The following CA12 variants were observed in gnomAD, a reference collection of about 807,000 sequenced individuals.
The protein encoded by CA12 is carbonate dehydratase XII.
CA12 carries 36 observed loss-of-function variants against 46.8 expected under a neutral mutation model. The observed-to-expected ratio is 0.77, with a 90% CI of 0.59 to 1.02. The LOEUF (loss-of-function observed/expected upper bound fraction) is 1.02, where lower values mean the gene tolerates loss of function less well. Ranked by LOEUF, CA12 falls within the 50% of genes least tolerant of loss-of-function variation. The pLI is 0.00. For synonymous variants in CA12, 202 were observed against 187.0 expected, an observed-to-expected ratio of 1.08 and a Z score of -0.65; for missense variants, 436 against 451.4, an observed-to-expected ratio of 0.97 and a Z score of 0.31.
intron 2 of CA12, among the ~76,000 whole-genome samples, chr15:63,359,880 C>T (rs1432390162): frequency 6.6e-6 from 1 of 152,212 alleles, no homozygotes; most frequent in Non-Finnish European, 1.5e-5. Flanking sequence ...GCTCTCCACT[C>T]TCCACAACAG....
Position 63,328,149 on chromosome 15 carries a change from A to G in CA12, c.875-19T>C. Reference sequence around the variant, plus strand: ...ACTTGCACTTAAAAGGGGAGAGGAAAAGACGAGGTTACTCTAGAGTCAAAC... The same window carrying G: ...ACTTGCACTTAAAAGGGGAGAGGAAGAGACGAGGTTACTCTAGAGTCAAAC... On this transcript the variant is annotated intron_variant, in intron 8 of 10. Transcript: ENST00000178638. This position sits in a 1 kb window ranked among gnomAD's most constrained non-coding sequence, Gnocchi z 5.9. 1 of 1,612,918 alleles carries G rather than the reference A, an allele frequency of 6.2e-7. No homozygotes were observed. The highest frequency in any genetic ancestry group is 8.5e-7 in the Non-Finnish European group (1 of 1,178,966).
Position 63,322,874 on chromosome 15 carries a change from G to A in CA12, c.*3411C>T, listed in dbSNP as rs1254841757. On this transcript the variant is annotated 3_prime_UTR_variant, in exon 11 of 11. Transcript: ENST00000178638. This position sits in a 1 kb window ranked among gnomAD's most constrained non-coding sequence, Gnocchi z 4.1. The stretch of plus-strand genomic sequence containing the variant: ...CTGGGCCAGGTACTGTCACCCACTG[G>A]AGCCAAAGTACCCTTGAACAGTTCA... The A allele has an allele frequency of 6.6e-6, 1 of 152,276 alleles. No homozygotes were observed. Among genetic ancestry groups the A allele is most frequent in the African/African-American group, 2.4e-5 (1 of 41,460 alleles). 9.4% of individuals were successfully genotyped at this position (152,276 alleles called of 1,614,324 possible).
At chr15:63,335,159 T>C (rs540605594) in intron 8 of CA12, among the ~76,000 whole-genome samples, 1 of 152,320 alleles carries the variant, frequency 6.6e-6, no homozygotes, top group South Asian at 2.1e-4. Context: ...TGGCATCTAC[T>C]GGGTAGAGAC....
rs548791136 is a variant in CA12, at chr15:63,379,045, A to T, written c.85+2591T>A. On this transcript the variant is annotated intron_variant, in intron 1 of 10. Transcript: ENST00000178638. ...CATCCTCAGATGAGGCCTCAGCATCACACTCTGGAAAGCTCAGGGCTAAAA... is the reference window on the plus strand; with the variant it reads ...CATCCTCAGATGAGGCCTCAGCATCTCACTCTGGAAAGCTCAGGGCTAAAA... The T allele has an allele frequency of 3.3e-5, 5 of 152,160 alleles. No homozygotes were observed. In the East Asian group the frequency reaches 9.7e-4, roughly 29 times the overall value. The allele number at this position is 152,160 out of a possible 1,614,324, so 9.4% of individuals were successfully genotyped here.
chr15:63,377,346 T>C (rs2039590411), intron 1 of CA12, among the ~76,000 whole-genome samples: 1 of 152,168 alleles, frequency 6.6e-6, no homozygotes, highest in African/African-American at 2.4e-5. Context: ...GGGAAGCACC[T>C]CACATCCCCT....
At chr15:63,326,945 C>T (rs1486954604) in intron 10 of CA12, among the ~76,000 whole-genome samples, 3 of 152,208 alleles carry the variant, frequency 2.0e-5, no homozygotes, top group Non-Finnish European at 4.4e-5. Flanking sequence ...GCACAGTGAC[C>T]CCTGAACCCT....
rs951509059 is a variant in CA12 at position 63,372,126 on chromosome 15, C to T, written c.106+3532G>A. On this transcript the variant is annotated intron_variant, in intron 2 of 10. Transcript: ENST00000178638. The surrounding 1 kb of genome is among the most constrained non-coding windows in gnomAD (Gnocchi z 4.5). ...CTTCATCCCCCACAGGGCACATATTCTGATACCTTAGCAGGCTGGAGTTTG... is the reference window on the plus strand; with the variant it reads ...CTTCATCCCCCACAGGGCACATATTTTGATACCTTAGCAGGCTGGAGTTTG... Among the ~76,000 whole-genome samples, 1 of 152,214 alleles carries T rather than the reference C, an allele frequency of 6.6e-6. No homozygotes were observed. Among genetic ancestry groups the T allele is most frequent in the Non-Finnish European group, 1.5e-5 (1 of 68,028 alleles).
chr15:63,367,776 T>C (rs1324470249), intron 2 of CA12, among the ~76,000 whole-genome samples: 2 of 152,260 alleles, frequency 1.3e-5, no homozygotes, highest in Admixed American at 1.3e-4. Flanking sequence ...TATTTGTTTC[T>C]TCCTGGTTGG....
chr15:63,343,147 G>A (rs920917474), intron 4 of CA12, among the ~76,000 whole-genome samples: 2 of 151,976 alleles, frequency 1.3e-5, no homozygotes, highest in African/African-American at 2.4e-5. Context: ...GAGGTCCTAA[G>A]CCCCTATTTC....
chr15:63,360,780 T>G (rs968714189), intron 2 of CA12, among the ~76,000 whole-genome samples: 5 of 152,226 alleles, frequency 3.3e-5, no homozygotes, highest in African/African-American at 1.2e-4. Flanking sequence ...ATTTGTCCCC[T>G]CTGTGTTCCA....
Position 63,354,148 on chromosome 15 carries a change from C to G in CA12, c.107-7439G>C, listed in dbSNP as rs549076780. Among the ~76,000 whole-genome samples, 11 of 152,212 alleles carry G rather than the reference C, an allele frequency of 7.2e-5. No homozygotes were observed. In the South Asian group the frequency reaches 2.3e-3, roughly 32 times the overall value. ...TGGGTTAATAATTGATGGATGAGGT[C>G]TTATGATGTTATTATGTACAAACAG... On this transcript the variant is annotated intron_variant, in intron 2 of 10. Transcript: ENST00000178638.
chr15:63,380,840 A>G (rs190912301), intron 1 of CA12, among the ~76,000 whole-genome samples: 79 of 152,272 alleles, frequency 5.2e-4, no homozygotes, highest in Non-Finnish European at 1.5e-4. Flanking sequence ...TCTTATTCCA[A>G]AAGATTAATG....
intron 2 of CA12, among the ~76,000 whole-genome samples, chr15:63,369,353 C>T (rs557318368): frequency 2.6e-5 from 4 of 152,294 alleles, no homozygotes; most frequent in African/African-American, 9.6e-5. Context: ...ATTTAATCTG[C>T]ACCATAGCTC....
intron 4 of CA12, 98 bp from the exon 5 acceptor site, chr15:63,342,195 C>G: frequency 5.2e-6 from 4 of 765,450 alleles, no homozygotes; most frequent in Non-Finnish European, 9.3e-6. Flanking sequence ...GACAGAACCC[C>G]AGCCCCCTCA....
At chr15:63,375,153 A>G (rs542396746) in intron 2 of CA12, among the ~76,000 whole-genome samples, 7 of 152,272 alleles carry the variant, frequency 4.6e-5, no homozygotes, top group Non-Finnish European at 8.8e-5. Flanking sequence ...CTCTTTCACT[A>G]AGCACTGACC....
chr15:63,352,141 C>T lies in CA12; in HGVS notation c.107-5432G>A, dbSNP rs930913921. On this transcript the variant is annotated intron_variant, in intron 2 of 10. Coordinates refer to ENST00000178638, the MANE Select transcript of CA12 (RefSeq NM_001218.5). ...TGCAATCTCAGCTCACTGCAACCTC[C>T]GCCTCCCAGGTTCAAGCAATTCTTC... Among the ~76,000 whole-genome samples, 6 of 152,280 alleles carry T rather than the reference C, an allele frequency of 3.9e-5. No individual in the cohort carries two copies. In the East Asian group the frequency reaches 9.6e-4, roughly 24 times the overall value.
chr15:63,342,454 A>G (rs2039091962), intron 4 of CA12, among the ~76,000 whole-genome samples: 1 of 152,196 alleles, frequency 6.6e-6, no homozygotes, highest in Non-Finnish European at 1.5e-5. Flanking sequence ...ATCAATAGAA[A>G]GGAATGTCTG....
chr15:63,355,792 G>A lies in CA12; in HGVS notation c.107-9083C>T, dbSNP rs2152621420. 6.6e-6 allele frequency among the ~76,000 whole-genome samples: 1 copy of A among 152,172 alleles called. No homozygotes were observed. Among genetic ancestry groups the A allele is most frequent in the South Asian group, 2.1e-4 (1 of 4,818 alleles). On this transcript the variant is annotated intron_variant, in intron 2 of 10. Coordinates refer to ENST00000178638, the MANE Select transcript of CA12 (RefSeq NM_001218.5). The surrounding 1 kb of genome is among the most constrained non-coding windows in gnomAD (Gnocchi z 4.1). Reference sequence around the variant, plus strand: ...ATGTTATCCTCCTTCATCTTCCTTGGCCCATTCATGTGAGGAATCGTGCTA... The same window carrying A: ...ATGTTATCCTCCTTCATCTTCCTTGACCCATTCATGTGAGGAATCGTGCTA...
Position 63,331,712 on chromosome 15 carries a change from A to G in CA12, c.875-3582T>C, listed in dbSNP as rs1313130484. On this transcript the variant is annotated intron_variant, in intron 8 of 10. Transcript: ENST00000178638. The surrounding 1 kb of genome is among the most constrained non-coding windows in gnomAD (Gnocchi z 5.3). ...GGTCACACACCTTGCCCAGGAAGGT[A>G]CAGACACCCGGAGAAGGTCGGTGAG... The G allele has an allele frequency of 2.0e-5, 3 of 152,282 alleles. No homozygotes were observed. The highest frequency in any genetic ancestry group is 6.5e-5 in the Admixed American group (1 of 15,280). 9.4% of individuals were successfully genotyped at this position (152,282 alleles called of 1,614,324 possible). A position where few individuals can be genotyped will look rare whatever the true frequency, so the allele number is the denominator to read the frequency against.
Sources: gnomAD v4.1 joint callset for allele counts (sites outside exome capture counted in the v4.1 genomes callset) on GRCh38, gnomAD v4.1.1 for gene constraint, Gnocchi (gnomAD v3.1) non-coding constraint, MANE v1.5 for transcripts, NCBI Gene and HGNC (gene_info 2026-07-23, HGNC 2026-07-21) for gene names.